RPH3AL: variants seen among roughly 807,000 people sequenced by gnomAD.
RPH3AL encodes rabphilin 3A like (without C2 domains), also known as rab effector Noc2.
In RPH3AL, 38 loss-of-function variants were observed where a neutral mutation model predicts 43.1. The observed-to-expected ratio is 0.88, with a 90% CI of 0.68 to 1.15. The LOEUF is 1.15. Ranked by LOEUF, RPH3AL falls within the 50% of genes most tolerant of loss-of-function variation. RPH3AL has a pLI of 0.00. For missense variants in RPH3AL, 462 were observed against 423.2 expected, an observed-to-expected ratio of 1.09 and a Z score of -0.81; for synonymous variants, 189 against 176.3, an observed-to-expected ratio of 1.07 and a Z score of -0.57.
At chr17:348,395 A>T (rs1489013105) in intron 1 of RPH3AL, among the ~76,000 whole-genome samples, 2 of 152,226 alleles carry the variant, frequency 1.3e-5, no homozygotes, top group African/African-American at 4.8e-5. Context: ...ATAATAATGT[A>T]TCAGTATTAC....
At chr17:216,488 G>A (rs116262871) in intron 8 of RPH3AL, among the ~76,000 whole-genome samples, 2,716 of 152,206 alleles carry the variant, frequency 0.018, 92 homozygotes, top group African/African-American at 0.06. Context: ...TCTTTGCCTG[G>A]CCAAGAGAGC....
chr17:332,275 G>GGA (rs984269552), intron 2 of RPH3AL: 1 of 255,338 alleles, frequency 3.9e-6, no homozygotes, highest in African/African-American at 2.6e-5. Context: ...TGGGGAAGGA[G>GGA]GAGCGTGTGT....
At chr17:350,063 T>C (rs566275069) in intron 1 of RPH3AL, among the ~76,000 whole-genome samples, 5 of 152,114 alleles carry the variant, frequency 3.3e-5, no homozygotes, top group Admixed American at 2.0e-4. Context: ...AATTGGACTC[T>C]ACAGCTAACC....
At chr17:237,943 T>G (rs865803351) in intron 7 of RPH3AL, among the ~76,000 whole-genome samples, 1 of 151,394 alleles carries the variant, frequency 6.6e-6, no homozygotes, top group African/African-American at 2.4e-5. Flanking sequence ...AGCCCAAGAG[T>G]TCAAGACCAG....
rs543779079 is a variant in RPH3AL, at chr17:245,518, G to A, written c.613+1593C>T. 6.6e-6 allele frequency among the ~76,000 whole-genome samples: 1 copy of A among 152,108 alleles called. No homozygotes were observed. The highest frequency in any genetic ancestry group is 1.9e-4 in the East Asian group (1 of 5,174). On this transcript the variant is annotated intron_variant, in intron 7 of 9. Transcript: ENST00000331302. The surrounding 1 kb of genome is among the most constrained non-coding windows in gnomAD (Gnocchi z 5.9). ...CCTGACTTGGAGCAGACGGGGCAGT[G>A]GCAGCTCTTGAAGTGGGGCATAGGC...
intron 2 of RPH3AL, among the ~76,000 whole-genome samples, chr17:329,632 A>C (rs2151711967): frequency 6.6e-6 from 1 of 152,374 alleles, no homozygotes; most frequent in South Asian, 2.1e-4. Context: ...CACATAATTT[A>C]CATATTTTAT....
rs1008546920 is a variant in RPH3AL at position 328,630 on chromosome 17, C to T, written c.-36-1051G>A. Among the ~76,000 whole-genome samples, 2 of 152,022 alleles carry T rather than the reference C, an allele frequency of 1.3e-5. No homozygotes were observed. Among genetic ancestry groups the T allele is most frequent in the Non-Finnish European group, 2.9e-5 (2 of 68,010 alleles). ...CGTTCTTAGCAGCACTATTCATGAC[C>T]GCCAAAAGCAGAAACAACGAAAATA... On this transcript the variant is annotated intron_variant, in intron 2 of 9. Transcript: ENST00000331302. The surrounding 1 kb of genome is among the most constrained non-coding windows in gnomAD (Gnocchi z 4.2).
intron 2 of RPH3AL, among the ~76,000 whole-genome samples, chr17:327,898 A>G (rs73286614): frequency 0.16 from 25,000 of 152,062 alleles, 2,380 homozygotes; most frequent in African/African-American, 0.25. Context: ...TTTCAACTCA[A>G]CCCTGGAGGC....
intron 6 of RPH3AL, among the ~76,000 whole-genome samples, chr17:253,798 A>G (rs60021820): frequency 0.13 from 4,158 of 32,450 alleles, 409 homozygotes; most frequent in African/African-American, 0.27. Flanking sequence ...GTCCTTTTCC[A>G]TCCCTAGGAA....
At position 215,596 on chromosome 17, in the gene RPH3AL, G is replaced by A; in HGVS notation, c.876+58C>T. The A allele has an allele frequency of 8.0e-7, 1 of 1,242,430 alleles. No homozygotes were observed. Among genetic ancestry groups the A allele is most frequent in the Non-Finnish European group, 1.0e-6 (1 of 985,562 alleles). The allele number at this position is 1,242,430 out of a possible 1,614,324, so 77.0% of individuals were successfully genotyped here. A position where few individuals can be genotyped will look rare whatever the true frequency, so the allele number is the denominator to read the frequency against. On this transcript the variant is annotated intron_variant, in intron 9 of 9. Transcript: ENST00000331302. This position sits in a 1 kb window ranked among gnomAD's most constrained non-coding sequence, Gnocchi z 4.1. The stretch of plus-strand genomic sequence containing the variant: ...AGTCTCCAGTTTGGGAGGAGTGAGT[G>A]AGAGAGGACACGGCCGCGGGGGCAG...
At chr17:316,498 A>T (rs551732197) in intron 5 of RPH3AL, among the ~76,000 whole-genome samples, 5 of 96,058 alleles carry the variant, frequency 5.2e-5, no homozygotes, top group South Asian at 3.6e-4. Context: ...ACTGACCTGT[A>T]GTCTCTGTGC....
At chr17:343,872 C>T (rs1418397387) in intron 1 of RPH3AL, among the ~76,000 whole-genome samples, 5 of 152,202 alleles carry the variant, frequency 3.3e-5, no homozygotes, top group African/African-American at 1.2e-4. Context: ...ACAACCAGCA[C>T]AAAGCCTGTC....
At chr17:335,827 G>C (rs1404213966) in intron 1 of RPH3AL, 1 of 152,258 alleles carries the variant, frequency 6.6e-6, no homozygotes, top group Non-Finnish European at 1.5e-5. Flanking sequence ...GGCTGGAAGA[G>C]AGGCTTCATC....
rs574773388 is a variant in RPH3AL, at chr17:323,247, C to T, written c.78-1832G>A. Among the ~76,000 whole-genome samples the T allele has an allele frequency of 4.1e-5, 6 of 147,090 alleles. No individual in the cohort carries two copies. Among genetic ancestry groups the T allele is most frequent in the Non-Finnish European group, 7.4e-5 (5 of 67,556 alleles). On this transcript the variant is annotated intron_variant, in intron 3 of 9. Transcript: ENST00000331302. This position sits in a 1 kb window ranked among gnomAD's most constrained non-coding sequence, Gnocchi z 4.4. ...TCAGGGATCCATACTTCTACACTGCCGGTTTTTCCAATTTAAAAAAAAAAA... is the reference window on the plus strand; with the variant it reads ...TCAGGGATCCATACTTCTACACTGCTGGTTTTTCCAATTTAAAAAAAAAAA...
At chr17:342,553 T>C (rs572620539) in intron 1 of RPH3AL, among the ~76,000 whole-genome samples, 3 of 152,362 alleles carry the variant, frequency 2.0e-5, no homozygotes, top group Non-Finnish European at 4.4e-5. Flanking sequence ...CGATTCATGC[T>C]ACAACACAGA....
rs556400103 is a variant in RPH3AL at position 322,734 on chromosome 17, G to A, written c.78-1319C>T. Among the ~76,000 whole-genome samples the A allele has an allele frequency of 3.3e-5, 5 of 152,226 alleles. No individual in the cohort carries two copies. Among genetic ancestry groups the A allele is most frequent in the East Asian group, 1.9e-4 (1 of 5,178 alleles). ...GGCCCCCTGACACAAGATGGGCCCCGGTGGTCTCATGTCCTGCCTGGTCCC... is the reference window on the plus strand; with the variant it reads ...GGCCCCCTGACACAAGATGGGCCCCAGTGGTCTCATGTCCTGCCTGGTCCC... On this transcript the variant is annotated intron_variant, in intron 3 of 9. Coordinates refer to ENST00000331302, the MANE Select transcript of RPH3AL (RefSeq NM_006987.4). This position sits in a 1 kb window ranked among gnomAD's most constrained non-coding sequence, Gnocchi z 4.0.
chr17:321,504 C>T, intron 3 of RPH3AL, 89 bp from the exon 4 acceptor site: 1 of 1,412,788 alleles, frequency 7.1e-7, no homozygotes, highest in Non-Finnish European at 9.3e-7. Flanking sequence ...CCCCCGAGAA[C>T]AGTCAGTGGA....
chr17:338,317 C>T (rs1567536262), intron 1 of RPH3AL, among the ~76,000 whole-genome samples: 1 of 151,904 alleles, frequency 6.6e-6, no homozygotes, highest in Non-Finnish European at 1.5e-5. Flanking sequence ...TAAAACTTAG[C>T]TGGGCATGGT....
Position 327,505 on chromosome 17 carries a change from C to A in RPH3AL, c.39G>T (p.Trp13Cys). 6.2e-7 allele frequency: 1 copy of A among 1,613,984 alleles called. No homozygotes were observed. Among genetic ancestry groups the A allele is most frequent in the Non-Finnish European group, 8.5e-7 (1 of 1,179,996 alleles). The change falls in exon 3 of 10, where the codon TGG becomes TGT. Residue 13 changes from tryptophan (W) to cysteine (C), a missense_variant. Coordinates refer to ENST00000331302, the MANE Select transcript of RPH3AL (RefSeq NM_006987.4). The part of the protein sequence containing the change: ...DTIFGSGNDQ[W>C]VCPNDRQLAL... ...CAAGCTGCCGGTCATTGGGGCAAAC[C>A]CACTGATCATTCCCGCTGCCGAAGA...
Sources: allele counts gnomAD v4.1 joint callset (sites outside exome capture counted in the v4.1 genomes callset), GRCh38; gene constraint gnomAD v4.1.1; non-coding constraint Gnocchi (gnomAD v3.1); transcripts MANE v1.5; gene names NCBI Gene and HGNC (gene_info 2026-07-23, HGNC 2026-07-21).